OR10A3: variants seen among roughly 807,000 people sequenced by gnomAD.
The protein encoded by OR10A3 is olfactory receptor family 10 subfamily A member 3.
OR10A3 carries 1 observed loss-of-function variant against 1.5 expected under a neutral mutation model. That is an observed-to-expected ratio of 0.66 (90% CI 0.23 to 3.11). OR10A3 has a LOEUF of 3.11. Ranked by LOEUF, OR10A3 falls within the 30% of genes most tolerant of loss-of-function variation. OR10A3 has a pLI of 0.21. For missense variants in OR10A3, 398 were observed against 369.7 expected (o/e 1.08, Z -0.63); for synonymous variants, 145 against 143.7 (o/e 1.01, Z -0.06).
intron 1 of OR10A3, among the ~76,000 whole-genome samples, chr11:7,940,802 C>T (rs1008748123): frequency 6.6e-6 from 1 of 152,118 alleles, no homozygotes; most frequent in Non-Finnish European, 1.5e-5. Context: ...GGAAGGCTGC[C>T]TTGCTCAGAT....
In OR10A3 at chr11:7,937,447, C is replaced by G. The variant is rs1379131973; in HGVS notation, c.*1129G>C. ...GAGCCAGTTTCCAAGCTTAACTTTT[C>G]TTTTGGCATAGTGAGTTTGGGGTTC... On this transcript the variant is annotated 3_prime_UTR_variant, in exon 2 of 2. Coordinates refer to ENST00000642047, the MANE Select transcript of OR10A3 (RefSeq NM_001003745.2). 6.6e-6 allele frequency: 1 copy of G among 152,174 alleles called. No individual in the cohort carries two copies. Among genetic ancestry groups the G allele is most frequent in the Admixed American group, 6.5e-5 (1 of 15,286 alleles). 9.4% of individuals were successfully genotyped at this position (152,174 alleles called of 1,614,324 possible). A position where few individuals can be genotyped will look rare whatever the true frequency, so the allele number is the denominator to read the frequency against.
chr11:7,941,225 A>G (rs1941438151), intron 1 of OR10A3, among the ~76,000 whole-genome samples: 1 of 152,238 alleles, frequency 6.6e-6, no homozygotes, highest in Non-Finnish European at 1.5e-5. Flanking sequence ...ACTTTTAAGG[A>G]GCTGATAAAG....
rs775271777 is a variant in OR10A3 at position 7,938,814 on chromosome 11, T to C, written c.707A>G (p.Lys236Arg). The change falls in exon 2 of 2, where the codon AAG becomes AGG. Residue 236 changes from lysine to arginine, a missense_variant. Coordinates refer to ENST00000642047, the MANE Select transcript of OR10A3 (RefSeq NM_001003745.2). ...GTGAGAGGCACAGGTGGAAAAGGCC[T>C]TTTGTCTCCCAGTAGTTGATGGCAT... ...LKMPSTTGRQ[K>R]AFSTCASHLT... 1 of 1,614,166 alleles carries C rather than the reference T, an allele frequency of 6.2e-7. No homozygotes were observed. Among genetic ancestry groups the C allele is most frequent in the Non-Finnish European group, 8.5e-7 (1 of 1,180,016 alleles).
Position 7,939,041 on chromosome 11 carries a change from G to A in OR10A3, c.480C>T (p.Thr160=), listed in dbSNP as rs1218815420. 9.9e-6 allele frequency: 16 copies of A among 1,613,894 alleles called. No homozygotes were observed. The highest frequency in any genetic ancestry group is 1.4e-5 in the Non-Finnish European group (16 of 1,179,858). ...ISGIMVATVQ[T]TWVFSFPFCG... Reference sequence around the variant, plus strand: ...AAAATGGAAAACTAAATACCCAAGTGGTCTGCACAGTAGCCACCATGATCC... The same window carrying A: ...AAAATGGAAAACTAAATACCCAAGTAGTCTGCACAGTAGCCACCATGATCC... Residue 160 remains threonine, a synonymous_variant, in exon 2 of 2, where the codon ACC becomes ACT. Transcript: ENST00000642047.
chr11:7,940,795 A>G (rs1187362785), intron 1 of OR10A3, among the ~76,000 whole-genome samples: 1 of 152,188 alleles, frequency 6.6e-6, no homozygotes, highest in Non-Finnish European at 1.5e-5. Flanking sequence ...ATAAGGAGGA[A>G]GGCTGCCTTG....
rs1941410194 is a variant in OR10A3, at chr11:7,939,534, A to G, written c.-14T>C. ...TTGTCTTTTCATTTCAGTAGTTGAA[A>G]CTTATATTGTTTTTATGGACCTGGT... On this transcript the variant is annotated 5_prime_UTR_variant, in exon 2 of 2. Transcript: ENST00000642047. 1 of 1,534,296 alleles carries G rather than the reference A, an allele frequency of 6.5e-7. No homozygotes were observed. Among genetic ancestry groups the G allele is most frequent in the Non-Finnish European group, 8.7e-7 (1 of 1,144,578 alleles).
chr11:7,938,317 A>T lies in OR10A3; in HGVS notation c.*259T>A. On this transcript the variant is annotated 3_prime_UTR_variant, in exon 2 of 2. Coordinates refer to ENST00000642047, the MANE Select transcript of OR10A3 (RefSeq NM_001003745.2). ...ACTCCATCTCAAAAAAAAAAAAAAA[A>T]AAAATGACAGTAATCCAGTAGCTAC... 1 of 333,772 alleles carries T rather than the reference A, an allele frequency of 3.0e-6. No homozygotes were observed. The highest frequency in any genetic ancestry group is 5.4e-6 in the Non-Finnish European group (1 of 185,538). The allele number at this position is 333,772 out of a possible 1,614,324, so 20.7% of individuals were successfully genotyped here. A position where few individuals can be genotyped will look rare whatever the true frequency, so the allele number is the denominator to read the frequency against.
rs905456690 is a variant in OR10A3 at position 7,938,091 on chromosome 11, G to A, written c.*485C>T. On this transcript the variant is annotated 3_prime_UTR_variant, in exon 2 of 2. Transcript: ENST00000642047. The stretch of plus-strand genomic sequence containing the variant: ...GGCCGAGGTGGGCGGATCATCTAAG[G>A]TTGGGAGTTTGAGACCAGCCTGACC... 11 of 157,772 alleles carry A rather than the reference G, an allele frequency of 7.0e-5. No homozygotes were observed. The highest frequency in any genetic ancestry group is 2.2e-4 in the African/African-American group (9 of 41,444). 9.8% of individuals were successfully genotyped at this position (157,772 alleles called of 1,614,324 possible). A position where few individuals can be genotyped will look rare whatever the true frequency, so the allele number is the denominator to read the frequency against.
At chr11:7,940,047 G>T (rs543800529) in intron 1 of OR10A3, among the ~76,000 whole-genome samples, 1 of 152,304 alleles carries the variant, frequency 6.6e-6, no homozygotes, top group Admixed American at 6.5e-5. Context: ...CTGCACTTGG[G>T]TTCCCCATCT....
rs987910447 is a variant in OR10A3, at chr11:7,941,653, C to A, written c.-245G>T. ...AGTGAGGATAACTACAGAAGGCAAA[C>A]CCACCAACAAGTACCAAAGCAGAAT... On this transcript the variant is annotated 5_prime_UTR_variant, in exon 1 of 2. Transcript: ENST00000642047. 13 of 152,158 alleles carry A rather than the reference C, an allele frequency of 8.5e-5. No individual in the cohort carries two copies. Among genetic ancestry groups the A allele is most frequent in the African/African-American group, 3.1e-4 (13 of 41,438 alleles). 9.4% of individuals were successfully genotyped at this position (152,158 alleles called of 1,614,324 possible).
At chr11:7,941,013 T>C (rs765727327) in intron 1 of OR10A3, among the ~76,000 whole-genome samples, 5 of 152,172 alleles carry the variant, frequency 3.3e-5, no homozygotes, top group Non-Finnish European at 4.4e-5. Flanking sequence ...AGTCTGACCA[T>C]AGTGATATTA....
At chr11:7,940,837 T>C (rs1010582325) in intron 1 of OR10A3, among the ~76,000 whole-genome samples, 5 of 152,122 alleles carry the variant, frequency 3.3e-5, no homozygotes, top group Non-Finnish European at 5.9e-5. Flanking sequence ...GACACCTTAG[T>C]ACTAGCATGG....
At position 7,938,425 on chromosome 11, in the gene OR10A3, C is replaced by G. The variant is rs911076079; in HGVS notation, c.*151G>C. On this transcript the variant is annotated 3_prime_UTR_variant, in exon 2 of 2. Coordinates refer to ENST00000642047, the MANE Select transcript of OR10A3 (RefSeq NM_001003745.2). ...ATATGTATCTACTAAAAACAAGTGA[C>G]AGCAGTTCTTTATTGAGATACGTTT... 8.2e-6 allele frequency: 5 copies of G among 607,808 alleles called. No individual in the cohort carries two copies. The highest frequency in any genetic ancestry group is 1.1e-5 in the Non-Finnish European group (4 of 351,168). 37.7% of individuals were successfully genotyped at this position (607,808 alleles called of 1,614,324 possible). A position where few individuals can be genotyped will look rare whatever the true frequency, so the allele number is the denominator to read the frequency against.
At position 7,938,605 on chromosome 11, in the gene OR10A3, G is replaced by C; in HGVS notation, c.916C>G (p.Arg306Gly). The part of the protein sequence containing the change: ...EMKRTLIKLW[R>G]RKVILHTF ...AATGTGTGTAAAATCACTTTTCTTCGCCATAGTTTTATCAAAGTCCTCTTC... is the reference window on the plus strand; with the variant it reads ...AATGTGTGTAAAATCACTTTTCTTCCCCATAGTTTTATCAAAGTCCTCTTC... Residue 306 changes from arginine to glycine, a missense_variant, in exon 2 of 2, where the codon CGA becomes GGA. Physicochemically the swap from Arg to Gly is moderately radical, Grantham distance 125. Coordinates refer to ENST00000642047, the MANE Select transcript of OR10A3 (RefSeq NM_001003745.2). 1.9e-6 allele frequency: 3 copies of C among 1,612,280 alleles called. No individual in the cohort carries two copies. The highest frequency in any genetic ancestry group is 1.7e-6 in the Non-Finnish European group (2 of 1,179,354).
At position 7,938,982 on chromosome 11, in the gene OR10A3, TCA is replaced by T; in HGVS notation, c.537_538del (p.Cys179Ter). On this transcript the variant is annotated stop_gained and frameshift_variant, in exon 2 of 2. Coordinates refer to ENST00000642047, the MANE Select transcript of OR10A3 (RefSeq NM_001003745.2). LOFTEE classifies it high-confidence loss of function. ...CACAAGCTCTAGTACCGGGGGAGTCTCACAGAAGAGATGATTAATTTCATTGG... is the reference window on the plus strand; with the variant it reads ...CACAAGCTCTAGTACCGGGGGAGTCTCAGAAGAGATGATTAATTTCATTGG... The T allele has an allele frequency of 6.2e-7, 1 of 1,614,208 alleles. No homozygotes were observed.
chr11:7,939,443 C>G lies in OR10A3; in HGVS notation c.78G>C (p.Gln26His). The G allele has an allele frequency of 6.2e-7, 1 of 1,610,554 alleles. No individual in the cohort carries two copies. Among genetic ancestry groups the G allele is most frequent in the Non-Finnish European group, 8.5e-7 (1 of 1,179,136 alleles). The change falls in exon 2 of 2, where the codon CAG (glutamine) becomes CAC (histidine). Residue 26 changes from glutamine to histidine, a missense_variant. Transcript: ENST00000642047. Reference protein sequence around the residue: ...GFSNFPELQVQLFGVFLVIYV... With the variant: ...GFSNFPELQVHLFGVFLVIYV... ...AAATAACTAGGAAAACCCCAAAGAGCTGCACCTGGAGCTCAGGAAAGTTAG... is the reference window on the plus strand; with the variant it reads ...AAATAACTAGGAAAACCCCAAAGAGGTGCACCTGGAGCTCAGGAAAGTTAG...
Position 7,939,297 on chromosome 11 carries a change from G to A in OR10A3, c.224C>T (p.Ala75Val), listed in dbSNP as rs756766233. Residue 75 changes from alanine to valine, a missense_variant, in exon 2 of 2, where the codon GCA becomes GTA. Transcript: ENST00000642047. ...CACCAGCATTTCAGGCGTAATGACT[G>A]CACTGAAACTCACCTCCACCACAGA... ...NLSVVEVSFS[A>V]VITPEMLVVL... is the part of the protein sequence containing the mutation. 5 of 1,613,938 alleles carry A rather than the reference G, an allele frequency of 3.1e-6. No individual in the cohort carries two copies. The African/African-American group carries it at 5.3e-5, about 17-fold the overall frequency.
At chr11:7,940,597 G>C (rs1941429006) in intron 1 of OR10A3, among the ~76,000 whole-genome samples, 2 of 151,724 alleles carry the variant, frequency 1.3e-5, no homozygotes, top group Admixed American at 6.6e-5. Context: ...AGAAACTTCA[G>C]AGTCTCCCCT....
In OR10A3 at chr11:7,937,367, C is replaced by T. The variant is rs183072831; in HGVS notation, c.*1209G>A. ...GAGGTAACCTGGGAAGATAGGTGAC[C>T]GGATATCTTGTAGCTATCTATTTAG... On this transcript the variant is annotated 3_prime_UTR_variant, in exon 2 of 2. Coordinates refer to ENST00000642047, the MANE Select transcript of OR10A3 (RefSeq NM_001003745.2). The T allele has an allele frequency of 9.1e-4, 139 of 152,198 alleles. No homozygotes were observed. Among genetic ancestry groups the T allele is most frequent in the African/African-American group, 3.0e-3 (125 of 41,526 alleles). 9.4% of individuals were successfully genotyped at this position (152,198 alleles called of 1,614,324 possible).
Sources: allele counts gnomAD v4.1 joint callset (sites outside exome capture counted in the v4.1 genomes callset), GRCh38; gene constraint gnomAD v4.1.1; transcripts MANE v1.5; gene names NCBI Gene and HGNC (gene_info 2026-07-23, HGNC 2026-07-21).